TNFSF4: variants seen among roughly 807,000 people sequenced by gnomAD.
TNFSF4 encodes TNF superfamily member 4.
In TNFSF4, 4 loss-of-function variants were observed where a neutral mutation model predicts 7.3. The ratio of observed to expected loss-of-function variants is 0.55; its 90% CI spans 0.27 to 1.25. The LOEUF (loss-of-function observed/expected upper bound fraction) is 1.25, where lower values mean the gene tolerates loss of function less well. TNFSF4 is among the 50% of genes most tolerant of loss of function. The pLI, the probability that TNFSF4 is intolerant of heterozygous loss-of-function variation, is 0.12. For missense variants in TNFSF4, 181 were observed against 208.8 expected (o/e 0.87, Z 0.82); for synonymous variants, 76 against 83.7 (o/e 0.91, Z 0.50).
intron 1 of TNFSF4, 48 bp downstream of exon 1, chr1:173,206,976 C>T: frequency 1.9e-6 from 3 of 1,541,600 alleles, no homozygotes; most frequent in Non-Finnish European, 2.6e-6. Context: ...GTTGCAGCTG[C>T]CATCAGCATG....
In TNFSF4 at chr1:173,186,529, A is replaced by T; in HGVS notation, c.539T>A (p.Phe180Tyr). 6.2e-7 allele frequency: 1 copy of T among 1,612,522 alleles called. No homozygotes were observed. The highest frequency in any genetic ancestry group is 2.2e-5 in the East Asian group (1 of 44,858). Residue 180 changes from phenylalanine to tyrosine, a missense_variant, in exon 3 of 3, where the codon TTC (phenylalanine) becomes TAC (tyrosine). Phe to Tyr is a conservative substitution (Grantham distance 22). Transcript: ENST00000281834. ...GCCATCAGCCCCTCAAAGGACACAG[A>T]ATTCACCAGGATTTTGATGGATAAG... ...LILIHQNPGE[F>Y]CVL
the TNFSF4 span, among the ~76,000 whole-genome samples, chr1:173,369,331 C>A: frequency 6.6e-6 from 1 of 152,148 alleles, no homozygotes; most frequent in African/African-American, 2.4e-5. Context: ...TCAGTAAGGA[C>A]AACTAAATCT....
At chr1:173,387,731 A>G in the TNFSF4 span, among the ~76,000 whole-genome samples, 4 of 152,208 alleles carry the variant, frequency 2.6e-5, no homozygotes, top group African/African-American at 7.2e-5. Context: ...TGAGAAGAAG[A>G]TATTTTTAAA....
chr1:173,437,474 A>G, the TNFSF4 span, among the ~76,000 whole-genome samples: 1 of 152,138 alleles, frequency 6.6e-6, no homozygotes, highest in Non-Finnish European at 1.5e-5. Context: ...GCTTTTCTGT[A>G]CTTACAAAGG....
the TNFSF4 span, among the ~76,000 whole-genome samples, chr1:173,375,400 G>A: frequency 2.9e-4 from 44 of 152,286 alleles, no homozygotes; most frequent in African/African-American, 8.4e-4. Flanking sequence ...CAGCAGTTGG[G>A]GTGTCCTGTT....
At chr1:173,414,143 T>C in the TNFSF4 span, among the ~76,000 whole-genome samples, 88 of 152,340 alleles carry the variant, frequency 5.8e-4, 1 homozygote, top group Middle Eastern at 3.4e-3. Context: ...TACCACAGAC[T>C]GGAGGGCTTA....
chr1:173,234,617 A>C, the TNFSF4 span, among the ~76,000 whole-genome samples: 1 of 152,242 alleles, frequency 6.6e-6, no homozygotes, highest in African/African-American at 2.4e-5. Context: ...ATGCAGCCAT[A>C]AAAAAGGATG....
the TNFSF4 span, among the ~76,000 whole-genome samples, chr1:173,356,624 T>C: frequency 6.6e-6 from 1 of 152,244 alleles, no homozygotes; most frequent in African/African-American, 2.4e-5. Flanking sequence ...GTTCACATCC[T>C]GTCCATAGCT....
the TNFSF4 span, chr1:173,363,451 T>C: frequency 2.8e-6 from 1 of 359,190 alleles, no homozygotes; most frequent in Non-Finnish European, 5.6e-6. Flanking sequence ...TTCAATTGTT[T>C]CTCTAGACAA....
the TNFSF4 span, among the ~76,000 whole-genome samples, chr1:173,248,502 AAG>A: frequency 7.8e-3 from 1,182 of 152,012 alleles, 8 homozygotes; most frequent in Non-Finnish European, 0.013. Flanking sequence ...GAAAGAAAGA[AAG>A]AAAGAAAGAG....
the TNFSF4 span, among the ~76,000 whole-genome samples, chr1:173,365,741 A>T: frequency 6.6e-6 from 1 of 152,208 alleles, no homozygotes; most frequent in Non-Finnish European, 1.5e-5. Flanking sequence ...ATTACTTCTG[A>T]TGAAATTTAC....
the TNFSF4 span, among the ~76,000 whole-genome samples, chr1:173,250,202 T>A: frequency 2.6e-5 from 4 of 152,178 alleles, no homozygotes; most frequent in African/African-American, 9.7e-5. Flanking sequence ...CTTGTTTATT[T>A]TTATTTGTTC....
chr1:173,403,880 C>T, the TNFSF4 span, among the ~76,000 whole-genome samples: 12 of 147,988 alleles, frequency 8.1e-5, no homozygotes, highest in East Asian at 2.0e-4. Context: ...CCAGCCTGGG[C>T]GACAGAGCAA....
chr1:173,445,858 T>C, the TNFSF4 span, among the ~76,000 whole-genome samples: 3 of 152,174 alleles, frequency 2.0e-5, no homozygotes, highest in Admixed American at 1.3e-4. Flanking sequence ...TGTGCATGCA[T>C]GGAACATACT....
the TNFSF4 span, among the ~76,000 whole-genome samples, chr1:173,350,700 G>A: frequency 0.21 from 31,327 of 152,168 alleles, 3,509 homozygotes; most frequent in Non-Finnish European, 0.26. Flanking sequence ...CCAACCTCTA[G>A]ATGCAACATC....
the TNFSF4 span, among the ~76,000 whole-genome samples, chr1:173,254,989 TA>T: frequency 6.6e-6 from 1 of 152,206 alleles, no homozygotes; most frequent in African/African-American, 2.4e-5. Context: ...GAAGTTTTTT[TA>T]AAAACACTGA....
the TNFSF4 span, among the ~76,000 whole-genome samples, chr1:173,365,924 TA>T: frequency 6.6e-6 from 1 of 152,198 alleles, no homozygotes; most frequent in African/African-American, 2.4e-5. Flanking sequence ...CACACATATA[TA>T]GACTCTTTAT....
chr1:173,261,869 C>T, the TNFSF4 span, among the ~76,000 whole-genome samples: 1 of 151,952 alleles, frequency 6.6e-6, no homozygotes, highest in African/African-American at 2.4e-5. Context: ...AGCCCAAGAC[C>T]AGACAGATTT....
chr1:173,432,351 G>A, the TNFSF4 span, among the ~76,000 whole-genome samples: 2 of 152,156 alleles, frequency 1.3e-5, no homozygotes, highest in African/African-American at 4.8e-5. Context: ...CAATGTATTT[G>A]TATTTAGAAA....
Sources: gnomAD v4.1 joint callset for allele counts (sites outside exome capture counted in the v4.1 genomes callset) on GRCh38, gnomAD v4.1.1 for gene constraint, MANE v1.5 for transcripts, NCBI Gene and HGNC (gene_info 2026-07-23, HGNC 2026-07-21) for gene names.